RAF1: variants seen among roughly 807,000 people sequenced by gnomAD.
RAF1 encodes Raf-1 proto-oncogene, serine/threonine kinase, also known as RAF proto-oncogene serine/threonine-protein kinase.
RAF1 carries 27 observed loss-of-function variants against 81.1 expected under a neutral mutation model. The ratio of observed to expected loss-of-function variants is 0.33; its 90% CI spans 0.25 to 0.46. The LOEUF (loss-of-function observed/expected upper bound fraction) is 0.46, where lower values mean the gene tolerates loss of function less well. Ranked by LOEUF, RAF1 falls within the 20% of genes least tolerant of loss-of-function variation. RAF1 has a pLI of 1.00. For missense variants in RAF1, 598 were observed against 826.0 expected (o/e 0.72, Z 3.38); for synonymous variants, 298 against 294.0 (o/e 1.01, Z -0.14).
At chr3:12,645,113 A>AAT (rs2060305821) in intron 1 of RAF1, among the ~76,000 whole-genome samples, 1 of 151,652 alleles carries the variant, frequency 6.6e-6, no homozygotes, top group African/African-American at 2.4e-5. Context: ...AAAAAAAAAA[A>AAT]AAAAAAAATA....
intron 1 of RAF1, among the ~76,000 whole-genome samples, chr3:12,620,573 T>G (rs1232088242): frequency 6.6e-6 from 1 of 152,074 alleles, no homozygotes; most frequent in Non-Finnish European, 1.5e-5. Flanking sequence ...CAGGCTCAAA[T>G]GATTCTCCTA....
intron 1 of RAF1, among the ~76,000 whole-genome samples, chr3:12,633,034 G>T (rs1454270781): frequency 6.6e-6 from 1 of 152,124 alleles, no homozygotes; most frequent in Non-Finnish European, 1.5e-5. Flanking sequence ...AAAATCTTTA[G>T]TTTCCCTTAC....
In RAF1 at chr3:12,584,280, G is replaced by A; in HGVS notation, c.*234C>T. ...CAGAAGGCTGGGCCTTGAGCATGGG[G>A]AATGTGGGGAGGGAGCAGGACACAC... On this transcript the variant is annotated 3_prime_UTR_variant, in exon 18 of 18. Transcript: ENST00000442415. The A allele has an allele frequency of 1.8e-6, 1 of 564,256 alleles. No individual in the cohort carries two copies. Among genetic ancestry groups the A allele is most frequent in the Non-Finnish European group, 3.2e-6 (1 of 314,714 alleles). The allele number at this position is 564,256 out of a possible 1,614,324, so 35.0% of individuals were successfully genotyped here.
rs115740158 is a variant in RAF1, at chr3:12,638,933, C to T, written c.-26-20186G>A. ...GTCATGTAGAATGCAAAAGAATGTA[C>T]AGGAACATGATGGATTACGTTTATT... On this transcript the variant is annotated intron_variant, in intron 1 of 17. Coordinates refer to ENST00000442415, the MANE Select transcript of RAF1 (RefSeq NM_001354689.3). Among the ~76,000 whole-genome samples, 747 of 152,240 alleles carry T rather than the reference C, an allele frequency of 4.9e-3. 5 individuals are homozygous for T. The highest frequency in any genetic ancestry group is 0.017 in the African/African-American group (707 of 41,574).
intron 1 of RAF1, among the ~76,000 whole-genome samples, chr3:12,648,576 A>G (rs968262530): frequency 3.3e-5 from 5 of 152,188 alleles, no homozygotes; most frequent in African/African-American, 1.2e-4. Context: ...TTACCAAAGC[A>G]GTTTCAAGAA....
chr3:12,606,416 T>C, intron 5 of RAF1, 117 bp from the exon 6 acceptor site: 1 of 734,484 alleles, frequency 1.4e-6, no homozygotes, highest in South Asian at 1.5e-5. Context: ...CCCAGTCACA[T>C]TTTCCTCAAC....
chr3:12,585,939 TG>T (rs1156534080), intron 14 of RAF1, 140 bp from the exon 14 acceptor site: 6 of 720,314 alleles, frequency 8.3e-6, no homozygotes, highest in Non-Finnish European at 2.5e-6. Flanking sequence ...CTAAGGTTTC[TG>T]AAGTTCTTTA....
intron 2 of RAF1, among the ~76,000 whole-genome samples, chr3:12,613,140 T>C (rs1189776842): frequency 1.3e-5 from 2 of 152,278 alleles, no homozygotes; most frequent in East Asian, 3.9e-4. Context: ...GCTAGGCAGG[T>C]ACTCAGAACC....
At chr3:12,592,191 G>A in intron 11 of RAF1, 1 of 336,582 alleles carries the variant, frequency 3.0e-6, no homozygotes, top group Non-Finnish European at 5.8e-6. Flanking sequence ...GGTCATGTGT[G>A]ACAGGTCAAA....
chr3:12,658,809 T>A (rs923837911), intron 1 of RAF1, among the ~76,000 whole-genome samples: 6 of 152,198 alleles, frequency 3.9e-5, no homozygotes, highest in Non-Finnish European at 2.9e-5. Flanking sequence ...AAAAATGCTA[T>A]GTACACTGAT....
At chr3:12,661,883 C>T (rs2060888085) in intron 1 of RAF1, among the ~76,000 whole-genome samples, 1 of 151,850 alleles carries the variant, frequency 6.6e-6, no homozygotes, top group African/African-American at 2.4e-5. Context: ...ATATAAAACA[C>T]TTATCAAAAA....
chr3:12,655,526 A>C (rs1174263508), intron 1 of RAF1, among the ~76,000 whole-genome samples: 1 of 152,236 alleles, frequency 6.6e-6, no homozygotes, highest in African/African-American at 2.4e-5. Context: ...CAGTTCCTCA[A>C]AAAGTAAACA....
intron 5 of RAF1, among the ~76,000 whole-genome samples, chr3:12,606,610 G>A (rs2059037320): frequency 1.3e-5 from 2 of 151,878 alleles, no homozygotes; most frequent in Admixed American, 6.6e-5. Flanking sequence ...GTGTAATGGC[G>A]GCTCACTGCA....
chr3:12,607,659 A>G, intron 5 of RAF1, among the ~76,000 whole-genome samples: 1 of 151,780 alleles, frequency 6.6e-6, no homozygotes, highest in South Asian at 2.1e-4. Flanking sequence ...AAAAAATAAT[A>G]ATAAAAAAAA....
At chr3:12,636,469 A>T (rs1011512710) in intron 1 of RAF1, among the ~76,000 whole-genome samples, 1 of 148,432 alleles carries the variant, frequency 6.7e-6, no homozygotes, top group Non-Finnish European at 1.5e-5. Context: ...GATTGATTAC[A>T]TTAAAATGCA....
At chr3:12,630,025 T>G (rs2059816236) in intron 1 of RAF1, among the ~76,000 whole-genome samples, 1 of 152,160 alleles carries the variant, frequency 6.6e-6, no homozygotes, top group Non-Finnish European at 1.5e-5. Context: ...CAAGTGACCC[T>G]CCCACCTCAG....
rs1413563094 is a variant in RAF1 at position 12,584,597 on chromosome 3, C to T, written c.1924G>A (p.Glu642Lys). 6.2e-7 allele frequency: 1 copy of T among 1,614,094 alleles called. No individual in the cohort carries two copies. The highest frequency in any genetic ancestry group is 8.5e-7 in the Non-Finnish European group (1 of 1,180,000). The stretch of plus-strand genomic sequence containing the variant: ...TGGGCTGCCCGATGCAAGGATGGCT[C>T]GGAAGCGCTCCGGTTGATCTTCGGT... The change falls in exon 18 of 18, where the codon GAG becomes AAG. Residue 642 changes from glutamate (E) to lysine (K), a missense_variant. This residue lies in a region of RAF1 where 147 missense variants were observed against 196.1 expected (regional missense o/e 0.75). Transcript: ENST00000442415.
chr3:12,601,966 T>C (rs2058875202), intron 8 of RAF1, among the ~76,000 whole-genome samples: 1 of 152,232 alleles, frequency 6.6e-6, no homozygotes, highest in Non-Finnish European at 1.5e-5. Context: ...ATAATGTGGA[T>C]TTCAATAGAA....
At chr3:12,604,387 A>C in intron 6 of RAF1, 98 bp from the exon 7 acceptor site, 1 of 1,244,450 alleles carries the variant, frequency 8.0e-7, no homozygotes, top group Non-Finnish European at 1.2e-6. Context: ...CTTAAGGGCA[A>C]ACTCTACCTG....
Sources: allele counts gnomAD v4.1 joint callset (sites outside exome capture counted in the v4.1 genomes callset), GRCh38; gene constraint gnomAD v4.1.1; regional missense constraint gnomAD v4.1.1; transcripts MANE v1.5; gene names NCBI Gene and HGNC (gene_info 2026-07-23, HGNC 2026-07-21).